Variants in XYLT1 observed in about 807,000 individuals in gnomAD.
The protein encoded by XYLT1 is xylosyltransferase 1, also known as beta-D-xylosyltransferase 1.
Under a neutral mutation model 91.3 loss-of-function variants are expected in XYLT1, and 36 were observed. That is an observed-to-expected ratio of 0.39 (90% CI 0.30 to 0.52). XYLT1 has a LOEUF of 0.52. Among genes scored for constraint, XYLT1 ranks in the 20% least tolerant of loss-of-function variants. The pLI is 0.68. For synonymous variants in XYLT1, 588 were observed against 532.0 expected, an observed-to-expected ratio of 1.11 and a Z score of -1.45; for missense variants, 1,242 against 1,284.5, an observed-to-expected ratio of 0.97 and a Z score of 0.51.
chr16:17,355,975 A>G (rs533662702), intron 2 of XYLT1, among the ~76,000 whole-genome samples: 11 of 152,116 alleles, frequency 7.2e-5, no homozygotes, highest in African/African-American at 2.7e-4. Flanking sequence ...CAGCCCCCCA[A>G]AGTGCTGGGA....
At chr16:17,432,328 A>C (rs937436304) in intron 1 of XYLT1, among the ~76,000 whole-genome samples, 1 of 152,230 alleles carries the variant, frequency 6.6e-6, no homozygotes, top group African/African-American at 2.4e-5. Flanking sequence ...CCCAGTGTCC[A>C]TCAGCCAGTG....
chr16:17,387,404 C>T (rs377139985), intron 1 of XYLT1, among the ~76,000 whole-genome samples: 3 of 152,176 alleles, frequency 2.0e-5, no homozygotes, highest in Admixed American at 2.0e-4. Flanking sequence ...CGCCACCCCC[C>T]ACCTCCCTCA....
In XYLT1 at chr16:17,441,193, G is replaced by A. The variant is rs1451067338; in HGVS notation, c.363+29241C>T. On this transcript the variant is annotated intron_variant, in intron 1 of 11. Transcript: ENST00000261381. ...AGGTTCAAGCGATTCTCCTGCCTCA[G>A]CCTCTCGAGTAGCTGGGACGACAGG... Among the ~76,000 whole-genome samples the A allele has an allele frequency of 3.3e-5, 5 of 151,774 alleles. No homozygotes were observed. The East Asian group carries it at 9.8e-4, about 30-fold the overall frequency.
At position 17,434,982 on chromosome 16, in the gene XYLT1, T is replaced by C. The variant is rs555507319; in HGVS notation, c.363+35452A>G. ...AGCATGCTTAGCTCACAGGAGGTGC[T>C]CAGTGACGCTTGGCCCATGCACTCA... is the stretch of plus-strand genomic sequence containing the variant. On this transcript the variant is annotated intron_variant, in intron 1 of 11. Transcript: ENST00000261381. Among the ~76,000 whole-genome samples the C allele has an allele frequency of 3.3e-5, 5 of 152,308 alleles. No individual in the cohort carries two copies. The South Asian group carries it at 1.0e-3, about 32-fold the overall frequency.
At position 17,321,342 on chromosome 16, in the gene XYLT1, C is replaced by CTTTTTTTTTTTTTTTTTTTTTT. The variant is rs10606202; in HGVS notation, c.402+36648_402+36669dup. ...GACAGTTCCCAAAGTACTAACTAGC[C>CTTTTTTTTTTTTTTTTTTTTTT]TTTTTTTTTTTTTTTTTTTTTTTTT... On this transcript the variant is annotated intron_variant, in intron 2 of 11. Transcript: ENST00000261381. Among the ~76,000 whole-genome samples the CTTTTTTTTTTTTTTTTTTTTTT allele has an allele frequency of 1.6e-4, 7 of 43,582 alleles. 2 individuals are homozygous for CTTTTTTTTTTTTTTTTTTTTTT. Among genetic ancestry groups the CTTTTTTTTTTTTTTTTTTTTTT allele is most frequent in the Admixed American group, 3.9e-4 (1 of 2,534 alleles). 28.6% of individuals were successfully genotyped at this position (43,582 alleles called of 152,430 possible). A position where few individuals can be genotyped will look rare whatever the true frequency, so the allele number is the denominator to read the frequency against.
At chr16:17,386,036 C>T (rs7205207) in intron 1 of XYLT1, among the ~76,000 whole-genome samples, 45,612 of 151,952 alleles carry the variant, frequency 0.3, 7,384 homozygotes, top group Non-Finnish European at 0.37. Flanking sequence ...AGAGCCAACA[C>T]GATATGAATA....
In XYLT1 at chr16:17,117,596, G is replaced by T. The variant is rs370933170; in HGVS notation, c.2557+50C>A. 38 of 1,565,566 alleles carry T rather than the reference G, an allele frequency of 2.4e-5. 1 individual carries two copies. Among genetic ancestry groups the T allele is most frequent in the Non-Finnish European group, 3.0e-5 (35 of 1,152,196 alleles). On this transcript the variant is annotated intron_variant, in intron 11 of 11. Coordinates refer to ENST00000261381, the MANE Select transcript of XYLT1 (RefSeq NM_022166.4). ...GCCTACCAACACCAAAGACCCTCAA[G>T]GTCCCCAGGGAAGGAGTATTTCTCC...
rs181524912 is a variant in XYLT1, at chr16:17,117,865, C to T, written c.2338G>A (p.Val780Met). The change falls in exon 11 of 12, where the codon GTG (valine) becomes ATG (methionine). Residue 780 changes from valine to methionine, a missense_variant. Coordinates refer to ENST00000261381, the MANE Select transcript of XYLT1 (RefSeq NM_022166.4). ...QKWGKGPNVT[V>M]TVIWVDPVNV... ...ACGGGATCCACCCAAATGACGGTCACGGTCACATTAGGTCCCTTCCCCCAC... is the reference window on the plus strand; with the variant it reads ...ACGGGATCCACCCAAATGACGGTCATGGTCACATTAGGTCCCTTCCCCCAC... 1.2e-4 allele frequency: 194 copies of T among 1,614,116 alleles called. 2 individuals carry two copies. Among genetic ancestry groups the T allele is most frequent in the Admixed American group, 1.2e-3 (70 of 60,004 alleles).
chr16:17,459,100 G>A (rs920396043), intron 1 of XYLT1, among the ~76,000 whole-genome samples: 2 of 152,170 alleles, frequency 1.3e-5, no homozygotes, highest in African/African-American at 4.8e-5. Flanking sequence ...AGCCAGACGT[G>A]GTGGCTCACG....
chr16:17,430,418 A>G (rs767973431), intron 1 of XYLT1, among the ~76,000 whole-genome samples: 16 of 152,258 alleles, frequency 1.1e-4, no homozygotes, highest in African/African-American at 1.4e-4. Flanking sequence ...TTCTGGTCCC[A>G]AGCACTTTGG....
chr16:17,297,640 T>C (rs1167080227), intron 2 of XYLT1, among the ~76,000 whole-genome samples: 3 of 151,984 alleles, frequency 2.0e-5, no homozygotes, highest in East Asian at 1.9e-4. Context: ...GGAGGATCAC[T>C]TGAGCCTAGG....
intron 2 of XYLT1, among the ~76,000 whole-genome samples, chr16:17,295,954 A>G (rs1287593030): frequency 6.6e-6 from 1 of 152,210 alleles, no homozygotes; most frequent in Non-Finnish European, 1.5e-5. Flanking sequence ...TGCACTGATG[A>G]TAACACAGAC....
chr16:17,333,807 C>T (rs956211897), intron 2 of XYLT1, among the ~76,000 whole-genome samples: 2 of 151,842 alleles, frequency 1.3e-5, no homozygotes, highest in Admixed American at 6.6e-5. Context: ...AGACTGGTCT[C>T]GAACTCCTGA....
rs2030315023 is a variant in XYLT1, at chr16:17,127,804, G to A, written c.2085C>T (p.Phe695=). The change falls in exon 10 of 12, where the codon TTC becomes TTT. Residue 695 remains phenylalanine, a synonymous_variant. Coordinates refer to ENST00000261381, the MANE Select transcript of XYLT1 (RefSeq NM_022166.4). ...CATGATGCTTGATCAGAAAGCCCTG[G>A]AAGCGGTCAGCAAGGAAGTAGAGGT... ...SVHLYFLADR[F]QGFLIKHHAT... is the part of the protein sequence containing the mutation. The A allele has an allele frequency of 1.2e-6, 2 of 1,614,014 alleles. No homozygotes were observed. Among genetic ancestry groups the A allele is most frequent in the African/African-American group, 1.3e-5 (1 of 74,898 alleles).
chr16:17,416,879 G>A (rs981138075), intron 1 of XYLT1, among the ~76,000 whole-genome samples: 1 of 152,200 alleles, frequency 6.6e-6, no homozygotes, highest in South Asian at 2.1e-4. Flanking sequence ...AGCACGGACA[G>A]CCAGCAGAGA....
At chr16:17,382,772 A>G (rs979364461) in intron 1 of XYLT1, among the ~76,000 whole-genome samples, 106 of 152,012 alleles carry the variant, frequency 7.0e-4, no homozygotes, top group Non-Finnish European at 8.4e-4. Flanking sequence ...AACGGTCCCC[A>G]TACTGGCACT....
intron 1 of XYLT1, among the ~76,000 whole-genome samples, chr16:17,441,121 C>T (rs2036526579): frequency 6.6e-6 from 1 of 151,528 alleles, no homozygotes; most frequent in African/African-American, 2.4e-5. Flanking sequence ...GCTGGAGTGC[C>T]TCAGCTCATG....
At chr16:17,247,247 G>A (rs549114715) in intron 3 of XYLT1, among the ~76,000 whole-genome samples, 2 of 152,110 alleles carry the variant, frequency 1.3e-5, no homozygotes, top group African/African-American at 4.8e-5. Context: ...GGGACCCTGG[G>A]TGGCAGACAC....
chr16:17,429,524 G>A (rs567831203), intron 1 of XYLT1, among the ~76,000 whole-genome samples: 35 of 152,288 alleles, frequency 2.3e-4, no homozygotes, highest in South Asian at 6.2e-4. Context: ...AAGTGGCAGC[G>A]AGGATGGTTA....
Sources: gnomAD v4.1 joint callset for allele counts (sites outside exome capture counted in the v4.1 genomes callset) on GRCh38, gnomAD v4.1.1 for gene constraint, MANE v1.5 for transcripts, NCBI Gene and HGNC (gene_info 2026-07-23, HGNC 2026-07-21) for gene names.